DRC4: variants seen among roughly 807,000 people sequenced by gnomAD.
DRC4 encodes the protein dynein regulatory complex subunit 4.
chr16:90,036,541 C>T, the DRC4 span: 2 of 1,604,558 alleles, frequency 1.2e-6, no homozygotes, highest in Non-Finnish European at 1.7e-6. Flanking sequence ...AGAACTACTA[C>T]AACGACATCA....
chr16:90,024,087 C>T, the DRC4 span, among the ~76,000 whole-genome samples: 1 of 150,264 alleles, frequency 6.7e-6, no homozygotes, highest in African/African-American at 2.5e-5. Flanking sequence ...GGAGACCAGC[C>T]TGGCCAACAT....
chr16:90,022,683 C>G, the DRC4 span: 16 of 1,421,700 alleles, frequency 1.1e-5, no homozygotes, highest in African/African-American at 1.2e-4. Flanking sequence ...GGCGGGCGCC[C>G]TGGTCCCGGA....
chr16:90,031,897 G>T, the DRC4 span, among the ~76,000 whole-genome samples: 1 of 152,192 alleles, frequency 6.6e-6, no homozygotes, highest in Non-Finnish European at 1.5e-5. Context: ...GTGAGCATGT[G>T]TGTGCAGGTG....
the DRC4 span, chr16:90,027,737 C>CTG: frequency 6.2e-7 from 1 of 1,613,068 alleles, no homozygotes; most frequent in East Asian, 2.2e-5. Flanking sequence ...GCAGAGCGGG[C>CTG]TGTGGCCCAG....
At chr16:90,024,842 G>A in the DRC4 span, among the ~76,000 whole-genome samples, 1 of 151,994 alleles carries the variant, frequency 6.6e-6, no homozygotes, top group East Asian at 1.9e-4. Context: ...ACAAAAAAAT[G>A]CAACAGCAAA....
chr16:90,037,956 C>A, the DRC4 span: 8 of 966,364 alleles, frequency 8.3e-6, no homozygotes, highest in African/African-American at 1.1e-4. Context: ...GTGGGGATGG[C>A]ACCCCTGCTA....
the DRC4 span, chr16:90,029,089 G>A: frequency 7.6e-6 from 10 of 1,308,836 alleles, no homozygotes; most frequent in East Asian, 5.5e-5. Context: ...CTCCCTGTCC[G>A]CTTCCCATTC....
chr16:90,027,848 C>T, the DRC4 span: 470 of 826,706 alleles, frequency 5.7e-4, 11 homozygotes, highest in South Asian at 6.9e-3. Flanking sequence ...ACACGCCCCC[C>T]GCGTGGCCCA....
the DRC4 span, among the ~76,000 whole-genome samples, chr16:90,028,698 G>T: frequency 6.6e-6 from 1 of 152,224 alleles, no homozygotes; most frequent in African/African-American, 2.4e-5. Flanking sequence ...GGAGACGGCA[G>T]TGTGTGGCAA....
the DRC4 span, among the ~76,000 whole-genome samples, chr16:90,023,662 A>C: frequency 7.1e-6 from 1 of 139,882 alleles, no homozygotes; most frequent in South Asian, 2.3e-4. Context: ...TGACCCAGGA[A>C]GGGTCTTCTG....
At chr16:90,024,040 G>A in the DRC4 span, among the ~76,000 whole-genome samples, 1 of 151,276 alleles carries the variant, frequency 6.6e-6, no homozygotes, top group Admixed American at 6.6e-5. Flanking sequence ...AGCACTTTAG[G>A]AGTCCAAGGT....
the DRC4 span, chr16:90,022,833 G>A: frequency 5.4e-6 from 6 of 1,105,908 alleles, no homozygotes; most frequent in Non-Finnish European, 7.1e-6. Context: ...CTGGAGCGCT[G>A]GGTTTCTGGA....
the DRC4 span, chr16:90,043,181 G>A: frequency 6.2e-7 from 1 of 1,602,290 alleles, no homozygotes; most frequent in East Asian, 2.2e-5. Flanking sequence ...CCCTGACACT[G>A]CCCTGTCTCC....
chr16:90,044,175 T>A, the DRC4 span: 1 of 454,860 alleles, frequency 2.2e-6, no homozygotes, highest in Non-Finnish European at 4.4e-6. Context: ...GCGGCTCCAG[T>A]GTGGGGTGAG....
chr16:90,028,182 T>TTTTTC, the DRC4 span, among the ~76,000 whole-genome samples: 1 of 119,652 alleles, frequency 8.4e-6, no homozygotes, highest in African/African-American at 3.2e-5. Context: ...CATTTTTTTT[T>TTTTTC]TTTTTTTTTT....
At chr16:90,035,866 C>G in the DRC4 span, 2 of 1,487,432 alleles carry the variant, frequency 1.3e-6, no homozygotes, top group Non-Finnish European at 1.8e-6. Flanking sequence ...AATCCCAGAA[C>G]AACCTATTTC....
chr16:90,027,863 T>G, the DRC4 span: 3 of 709,192 alleles, frequency 4.2e-6, no homozygotes, highest in Admixed American at 2.7e-5. Flanking sequence ...GGCCCATAAT[T>G]CCCATCAGCG....
the DRC4 span, chr16:90,022,616 C>T: frequency 1.6e-6 from 2 of 1,281,896 alleles, no homozygotes; most frequent in East Asian, 3.1e-5. Context: ...TCGCGAGGAT[C>T]TTGTGACTTA....
the DRC4 span, chr16:90,043,871 C>G: frequency 4.3e-6 from 2 of 462,320 alleles, no homozygotes; most frequent in Admixed American, 2.4e-5. Flanking sequence ...GTGCAGCCAG[C>G]GTGCGGGAAC....
Sources: gnomAD v4.1 joint callset for allele counts (sites outside exome capture counted in the v4.1 genomes callset) on GRCh38, gnomAD v4.1.1 for gene constraint, MANE v1.5 for transcripts, NCBI Gene and HGNC (gene_info 2026-07-23, HGNC 2026-07-21) for gene names.